The following ZNRF2 variants were observed in gnomAD, a reference collection of about 807,000 sequenced individuals.
ZNRF2 encodes zinc and ring finger 2.
A neutral mutation model predicts 20.4 loss-of-function variants in ZNRF2; 16 were observed. That is an observed-to-expected ratio of 0.79 (90% CI 0.53 to 1.19). The LOEUF (loss-of-function observed/expected upper bound fraction) is 1.19. Among genes scored for constraint, ZNRF2 ranks in the 50% most tolerant of loss-of-function variants. The pLI, the probability that ZNRF2 is intolerant of heterozygous loss-of-function variation, is 0.00. For synonymous variants in ZNRF2, 178 were observed against 144.9 expected, an observed-to-expected ratio of 1.23 and a Z score of -1.64; for missense variants, 363 against 332.4, an observed-to-expected ratio of 1.09 and a Z score of -0.72.
chr7:30,310,099 G>A (rs778903840), intron 1 of ZNRF2, among the ~76,000 whole-genome samples: 25 of 152,118 alleles, frequency 1.6e-4, no homozygotes, highest in Non-Finnish European at 1.3e-4. Context: ...TGTGAGGGTG[G>A]TGTAGATGTC....
At chr7:30,356,842 A>G (rs919489491) in intron 3 of ZNRF2, among the ~76,000 whole-genome samples, 2 of 151,416 alleles carry the variant, frequency 1.3e-5, no homozygotes, top group African/African-American at 4.9e-5. Context: ...AGTAGCTGGG[A>G]CTACAGGCGC....
intron 2 of ZNRF2, among the ~76,000 whole-genome samples, chr7:30,336,154 ATTTT>A (rs1799713587): frequency 6.6e-6 from 1 of 152,236 alleles, no homozygotes; most frequent in Non-Finnish European, 1.5e-5. Context: ...TTCAGCAAAC[ATTTT>A]AGAGAAGATT....
chr7:30,296,325 C>G (rs1330453568), intron 1 of ZNRF2, among the ~76,000 whole-genome samples: 1 of 152,130 alleles, frequency 6.6e-6, no homozygotes, highest in Admixed American at 6.5e-5. Flanking sequence ...CTTTTATAAT[C>G]ATTTGAATGT....
chr7:30,285,471 C>CG lies in ZNRF2; in HGVS notation c.119dup (p.Ala41ArgfsTer82). Reference sequence around the variant, plus strand: ...GCGCCAATGGGACCGCGGGCGGCGGCGGGGGCGCTCGGGCCGCCGCCGCGG... The same window carrying CG: ...GCGCCAATGGGACCGCGGGCGGCGGCGGGGGGCGCTCGGGCCGCCGCCGCGG... On this transcript the variant is annotated frameshift_variant, in exon 1 of 5. Transcript: ENST00000323037. LOFTEE classifies it high-confidence loss of function. 2 of 1,107,460 alleles carry CG rather than the reference C, an allele frequency of 1.8e-6. No individual in the cohort carries two copies. Among genetic ancestry groups the CG allele is most frequent in the South Asian group, 2.5e-5 (1 of 40,008 alleles). 68.6% of individuals were successfully genotyped at this position (1,107,460 alleles called of 1,614,324 possible).
chr7:30,346,629 TTTG>T (rs1799884102), intron 2 of ZNRF2, among the ~76,000 whole-genome samples: 1 of 152,076 alleles, frequency 6.6e-6, no homozygotes, highest in African/African-American at 2.4e-5. Context: ...CCAGAATTTT[TTTG>T]TTTTTTCACC....
intron 1 of ZNRF2, among the ~76,000 whole-genome samples, chr7:30,315,353 G>A (rs544731321): frequency 1.6e-4 from 24 of 152,242 alleles, no homozygotes; most frequent in Middle Eastern, 3.4e-3. Flanking sequence ...ACAAGATATT[G>A]TAAATCGTTT....
intron 1 of ZNRF2, among the ~76,000 whole-genome samples, chr7:30,304,268 T>G (rs555314628): frequency 4.3e-4 from 66 of 152,312 alleles, no homozygotes; most frequent in African/African-American, 1.5e-3. Context: ...TTGAGTTGTT[T>G]TAATTAGGAT....
At chr7:30,331,704 G>T (rs958906145) in intron 2 of ZNRF2, among the ~76,000 whole-genome samples, 1 of 152,148 alleles carries the variant, frequency 6.6e-6, no homozygotes, top group Non-Finnish European at 1.5e-5. Flanking sequence ...TTGAAAGAGC[G>T]CAGTGATCTT....
At chr7:30,306,243 A>G (rs1799203025) in intron 1 of ZNRF2, among the ~76,000 whole-genome samples, 1 of 152,164 alleles carries the variant, frequency 6.6e-6, no homozygotes, top group Admixed American at 6.5e-5. Flanking sequence ...AGTAGTAAGT[A>G]AAGCATTACA....
chr7:30,289,620 A>G (rs895802319), intron 1 of ZNRF2, among the ~76,000 whole-genome samples: 5 of 152,036 alleles, frequency 3.3e-5, no homozygotes, highest in Non-Finnish European at 5.9e-5. Flanking sequence ...CCTCACTTGT[A>G]ATTTCATACC....
intron 2 of ZNRF2, among the ~76,000 whole-genome samples, chr7:30,343,076 C>T (rs966291036): frequency 2.0e-5 from 3 of 152,122 alleles, no homozygotes; most frequent in African/African-American, 7.2e-5. Context: ...GAGGACAAAG[C>T]AGGAGGATCA....
At chr7:30,324,036 A>G (rs1031475345) in intron 2 of ZNRF2, among the ~76,000 whole-genome samples, 1 of 152,236 alleles carries the variant, frequency 6.6e-6, no homozygotes, top group Non-Finnish European at 1.5e-5. Context: ...AATTATGTTG[A>G]CAACTTTTAA....
intron 1 of ZNRF2, among the ~76,000 whole-genome samples, chr7:30,308,868 T>C (rs1208224390): frequency 6.6e-6 from 1 of 152,160 alleles, no homozygotes; most frequent in Non-Finnish European, 1.5e-5. Context: ...CTACAGACTT[T>C]CTAAAAATAT....
At chr7:30,319,270 T>C (rs939360766) in intron 1 of ZNRF2, among the ~76,000 whole-genome samples, 1 of 152,144 alleles carries the variant, frequency 6.6e-6, no homozygotes, top group African/African-American at 2.4e-5. Context: ...TTACAAAGAA[T>C]AAGAGTTGTC....
rs1186138424 is a variant in ZNRF2 at position 30,286,688 on chromosome 7, A to C, written c.469+862A>C. Among the ~76,000 whole-genome samples the C allele has an allele frequency of 3.9e-5, 6 of 152,222 alleles. No individual in the cohort carries two copies. The South Asian group carries it at 8.3e-4, about 21-fold the overall frequency. Reference sequence around the variant, plus strand: ...ACTTCTTCAGTTATGTTTTATGCTGATCTACTTTATTGCAAAACGCTAATA... The same window carrying C: ...ACTTCTTCAGTTATGTTTTATGCTGCTCTACTTTATTGCAAAACGCTAATA... On this transcript the variant is annotated intron_variant, in intron 1 of 4. Coordinates refer to ENST00000323037, the MANE Select transcript of ZNRF2 (RefSeq NM_147128.4).
intron 1 of ZNRF2, among the ~76,000 whole-genome samples, chr7:30,322,008 C>G (rs1452694672): frequency 1.3e-5 from 2 of 150,912 alleles, no homozygotes; most frequent in Non-Finnish European, 2.9e-5. Context: ...AATAGCTGAT[C>G]AGCTAAAAAA....
chr7:30,363,668 G>C (rs1203507295), intron 4 of ZNRF2, among the ~76,000 whole-genome samples: 1 of 151,684 alleles, frequency 6.6e-6, no homozygotes, highest in African/African-American at 2.4e-5. Flanking sequence ...AACTAGTTTT[G>C]TTCTACTGAT....
chr7:30,349,031 A>T (rs1468945198), intron 2 of ZNRF2, among the ~76,000 whole-genome samples: 1 of 152,182 alleles, frequency 6.6e-6, no homozygotes, highest in Non-Finnish European at 1.5e-5. Context: ...GTAACATTTG[A>T]TATTTATTGT....
At chr7:30,300,329 A>G (rs531351206) in intron 1 of ZNRF2, among the ~76,000 whole-genome samples, 3 of 151,126 alleles carry the variant, frequency 2.0e-5, no homozygotes, top group African/African-American at 7.3e-5. Flanking sequence ...CTGTATGTTT[A>G]GTAGAGACAG....
Sources: allele counts gnomAD v4.1 joint callset (sites outside exome capture counted in the v4.1 genomes callset), GRCh38; gene constraint gnomAD v4.1.1; transcripts MANE v1.5; gene names NCBI Gene and HGNC (gene_info 2026-07-23, HGNC 2026-07-21).